Variants in INSR observed in about 807,000 individuals in gnomAD.
INSR encodes the protein insulin receptor.
A neutral mutation model predicts 142.6 loss-of-function variants in INSR; 67 were observed. The ratio of observed to expected loss-of-function variants is 0.47; its 90% CI spans 0.39 to 0.58. The LOEUF (loss-of-function observed/expected upper bound fraction) is 0.58, where lower values mean the gene tolerates loss of function less well. Among genes scored for constraint, INSR ranks in the 20% least tolerant of loss-of-function variants. The pLI is 0.00. For missense variants in INSR, 1,248 were observed against 1,833.2 expected (o/e 0.68, Z 5.83); for synonymous variants, 756 against 743.1 (o/e 1.02, Z -0.28).
At chr19:7,153,229 C>CT (rs1973465360) in intron 9 of INSR, among the ~76,000 whole-genome samples, 2 of 4,298 alleles carry the variant, frequency 4.7e-4, no homozygotes, top group Non-Finnish European at 9.8e-4. Context: ...ACACGCACCA[C>CT]ACACACACCA....
At chr19:7,130,046 T>A (rs575471313) in intron 14 of INSR, among the ~76,000 whole-genome samples, 1,652 of 150,104 alleles carry the variant, frequency 0.011, 16 homozygotes, top group Middle Eastern at 0.034. Flanking sequence ...GCCAAAAAAC[T>A]CTAGTAACAA....
chr19:7,117,318 G>T lies in INSR; in HGVS notation c.3887C>A (p.Pro1296His). 6.2e-7 allele frequency: 1 copy of T among 1,614,180 alleles called. No homozygotes were observed. The highest frequency in any genetic ancestry group is 8.5e-7 in the Non-Finnish European group (1 of 1,180,036). The change falls in exon 22 of 22, where the codon CCC becomes CAC. Residue 1296 changes from proline to histidine, a missense_variant. Coordinates refer to ENST00000302850, the MANE Select transcript of INSR (RefSeq NM_000208.4). ...GAAGAACGACACCTCTGGAAAGCTG[G>T]GGTGCAGGTCGTCCTTGAGCAGGTT... is the stretch of plus-strand genomic sequence containing the variant. Reference protein sequence around the residue: ...IVNLLKDDLHPSFPEVSFFHS... With the variant: ...IVNLLKDDLHHSFPEVSFFHS...
intron 10 of INSR, chr19:7,152,311 A>G: frequency 3.5e-6 from 1 of 287,310 alleles, no homozygotes. Context: ...GAATCACTCG[A>G]ACCCGGAAAG....
intron 13 of INSR, among the ~76,000 whole-genome samples, chr19:7,134,065 G>C (rs1972848679): frequency 1.3e-5 from 2 of 151,940 alleles, no homozygotes; most frequent in South Asian, 4.2e-4. Flanking sequence ...TGGCTCTACA[G>C]CTACTTGGGA....
In INSR at chr19:7,148,566, C is replaced by T. The variant is rs1452812034; in HGVS notation, c.2267+1931G>A. Among the ~76,000 whole-genome samples the T allele has an allele frequency of 2.0e-5, 3 of 146,920 alleles. No homozygotes were observed. In the East Asian group the frequency reaches 6.0e-4, roughly 30 times the overall value. On this transcript the variant is annotated intron_variant, in intron 11 of 21. Coordinates refer to ENST00000302850, the MANE Select transcript of INSR (RefSeq NM_000208.4). ...GATCTCGGCTCACCGCAACCTCCGCCTCCAGAAATCAAGTGATTCTCCTGC... is the reference window on the plus strand; with the variant it reads ...GATCTCGGCTCACCGCAACCTCCGCTTCCAGAAATCAAGTGATTCTCCTGC...
At position 7,120,644 on chromosome 19, in the gene INSR, A is replaced by T; in HGVS notation, c.3635T>A (p.Val1212Asp). 6.2e-7 allele frequency: 1 copy of T among 1,614,096 alleles called. No individual in the cohort carries two copies. The highest frequency in any genetic ancestry group is 8.5e-7 in the Non-Finnish European group (1 of 1,180,006). The change falls in exon 20 of 22, where the codon GTC becomes GAC. Residue 1212 changes from valine to aspartate, a missense_variant. By Grantham distance (152) the Val-to-Asp change is radical (BLOSUM62 -3). Around this residue, in one of 3 missense-constraint regions of INSR, gnomAD observed 1,069 missense variants for 1,654.0 expected, o/e 0.65. Transcript: ENST00000302850. Reference sequence around the variant, plus strand: ...CCACATGTCAGAAGAAGTGGTGAAGACCCCATCCTTCAGGGACTCCGGTGC... The same window carrying T: ...CCACATGTCAGAAGAAGTGGTGAAGTCCCCATCCTTCAGGGACTCCGGTGC... ...WMAPESLKDG[V>D]FTTSSDMWSF...
chr19:7,246,929 C>T (rs562931884), intron 2 of INSR, among the ~76,000 whole-genome samples: 2 of 126,300 alleles, frequency 1.6e-5, no homozygotes, highest in East Asian at 4.8e-4. Flanking sequence ...AACTTGGATA[C>T]AAGTTCCTAG....
chr19:7,279,535 T>G (rs1001409636), intron 1 of INSR, among the ~76,000 whole-genome samples: 4 of 148,394 alleles, frequency 2.7e-5, no homozygotes, highest in African/African-American at 9.9e-5. Flanking sequence ...ACAGGCTGAG[T>G]TGGCAGCATA....
intron 4 of INSR, among the ~76,000 whole-genome samples, chr19:7,173,129 T>G (rs1974057561): frequency 6.6e-6 from 1 of 152,082 alleles, no homozygotes. Flanking sequence ...AGTTGCCCAT[T>G]TCCATTCCAC....
In INSR at chr19:7,188,415, G is replaced by A. The variant is rs140211463; in HGVS notation, c.653-3778C>T. On this transcript the variant is annotated intron_variant, in intron 2 of 21. Transcript: ENST00000302850. ...ACAGAAATTAGCTGGGCGTGGTGGT[G>A]GGCGCCTGTAATCCCAGCTACTCAG... 2.3e-3 allele frequency among the ~76,000 whole-genome samples: 350 copies of A among 151,644 alleles called. 4 individuals are homozygous for A. The highest frequency in any genetic ancestry group is 8.1e-3 in the African/African-American group (335 of 41,336).
chr19:7,233,967 C>T lies in INSR; in HGVS notation c.652+33378G>A, dbSNP rs567643993. Among the ~76,000 whole-genome samples the T allele has an allele frequency of 1.1e-4, 17 of 152,006 alleles. No homozygotes were observed. The East Asian group carries it at 2.5e-3, about 22-fold the overall frequency. Reference sequence around the variant, plus strand: ...CACACAGGCTGGAGTGGTGCAGTGGCGCAATCTCGGCTCACTGCAACCTCC... The same window carrying T: ...CACACAGGCTGGAGTGGTGCAGTGGTGCAATCTCGGCTCACTGCAACCTCC... On this transcript the variant is annotated intron_variant, in intron 2 of 21. Transcript: ENST00000302850.
chr19:7,199,996 A>G (rs957188909), intron 2 of INSR, among the ~76,000 whole-genome samples: 2 of 152,164 alleles, frequency 1.3e-5, no homozygotes, highest in Non-Finnish European at 2.9e-5. Flanking sequence ...GGAACAGTAC[A>G]TGCAAATGTG....
chr19:7,166,288 G>T lies in INSR; in HGVS notation c.1727C>A (p.Pro576Gln). 2 of 1,614,130 alleles carry T rather than the reference G, an allele frequency of 1.2e-6. No individual in the cohort carries two copies. The highest frequency in any genetic ancestry group is 1.7e-6 in the Non-Finnish European group (2 of 1,180,020). Residue 576 changes from proline to glutamine, a missense_variant, in exon 8 of 22, where the codon CCA becomes CAA. By Grantham distance (76) the Pro-to-Gln change is moderately conservative (BLOSUM62 -1). Transcript: ENST00000302850. The surrounding 1 kb of genome is among the most constrained non-coding windows in gnomAD (Gnocchi z 4.1). The part of the protein sequence containing the change: ...RSNDPKSQNH[P>Q]GWLMRGLKPW... ...CTTGAGACCCCGCATCAGCCACCCT[G>T]GGTGGTTCTGTGATTTGGGGTCGTT...
At chr19:7,239,375 C>G (rs1482093892) in intron 2 of INSR, among the ~76,000 whole-genome samples, 1 of 149,216 alleles carries the variant, frequency 6.7e-6, no homozygotes, top group Non-Finnish European at 1.5e-5. Flanking sequence ...AGAGAGATTC[C>G]CAGTCTTACC....
rs1973926060 is a variant in INSR at position 7,167,974 on chromosome 19, T to C, written c.1604A>G (p.Lys535Arg). The C allele has an allele frequency of 1.2e-6, 2 of 1,613,908 alleles. No homozygotes were observed. Among genetic ancestry groups the C allele is most frequent in the African/African-American group, 1.3e-5 (1 of 74,974 alleles). The change falls in exon 7 of 22, where the codon AAA (lysine) becomes AGA (arginine). Residue 535 changes from lysine to arginine, a missense_variant. Transcript: ENST00000302850. Reference sequence around the variant, plus strand: ...CTCTAACTCTTCTACTTACGCCTCTTTGTAGAACAGCATGAACCCCAAGAG... The same window carrying C: ...CTCTAACTCTTCTACTTACGCCTCTCTGTAGAACAGCATGAACCCCAAGAG... ...RDLLGFMLFY[K>R]EAPYQNVTEF...
At chr19:7,259,167 T>TCTTCCCTCCTTCCTTC (rs1311333407) in intron 2 of INSR, among the ~76,000 whole-genome samples, 1 of 137,564 alleles carries the variant, frequency 7.3e-6, no homozygotes, top group African/African-American at 2.7e-5. Context: ...TTCTTTTCTT[T>TCTTCCCTCCTTCCTTC]CTTCCCTCCT....
intron 2 of INSR, among the ~76,000 whole-genome samples, chr19:7,244,847 C>T (rs1032129722): frequency 1.3e-5 from 2 of 149,506 alleles, no homozygotes; most frequent in Admixed American, 1.4e-4. Flanking sequence ...GCGAGCTGCA[C>T]TTTTTTTCCT....
rs762413781 is a variant in INSR, at chr19:7,120,576, G to T, written c.3659+44C>A. ...CGCTCTTGGCTCTCACTAGCACCTG[G>T]AATTCAAGCCCAGCGTCCATCCACC... On this transcript the variant is annotated intron_variant, in intron 20 of 21. Coordinates refer to ENST00000302850, the MANE Select transcript of INSR (RefSeq NM_000208.4). The T allele has an allele frequency of 3.2e-5, 51 of 1,612,454 alleles. No homozygotes were observed. The South Asian group carries it at 5.5e-4, about 17-fold the overall frequency.
chr19:7,209,347 A>C (rs1056448482), intron 2 of INSR, among the ~76,000 whole-genome samples: 13 of 152,184 alleles, frequency 8.5e-5, no homozygotes, highest in African/African-American at 2.9e-4. Flanking sequence ...AGCCTGCAGA[A>C]GCCAGATATT....
Sources: gnomAD v4.1 joint callset for allele counts (sites outside exome capture counted in the v4.1 genomes callset) on GRCh38, gnomAD v4.1.1 for gene constraint, gnomAD v4.1.1 regional missense constraint, Gnocchi (gnomAD v3.1) non-coding constraint, MANE v1.5 for transcripts, NCBI Gene and HGNC (gene_info 2026-07-23, HGNC 2026-07-21) for gene names.